The following CCSER1 variants were observed in gnomAD, a reference collection of about 807,000 sequenced individuals.
CCSER1 encodes serine-rich coiled-coil domain-containing protein 1.
Under a neutral mutation model 82.0 loss-of-function variants are expected in CCSER1, and 41 were observed. The ratio of observed to expected loss-of-function variants is 0.50; its 90% CI spans 0.39 to 0.65. The LOEUF is 0.65. CCSER1 is among the 30% of genes least tolerant of loss of function. CCSER1 has a pLI of 0.00. For missense variants in CCSER1, 1,119 were observed against 1,064.2 expected (o/e 1.05, Z -0.72); for synonymous variants, 414 against 383.9 (o/e 1.08, Z -0.92).
At chr4:91,516,045 T>G (rs140162906) in intron 10 of CCSER1, among the ~76,000 whole-genome samples, 48 of 152,250 alleles carry the variant, frequency 3.2e-4, no homozygotes, top group African/African-American at 9.6e-4. Flanking sequence ...GTCCCACTTT[T>G]TAATGGGGTT....
At chr4:91,145,371 T>C (rs917521158) in intron 10 of CCSER1, among the ~76,000 whole-genome samples, 4 of 152,186 alleles carry the variant, frequency 2.6e-5, no homozygotes, top group African/African-American at 9.6e-5. Flanking sequence ...GATGTTCTCT[T>C]GAAGGCAGAA....
chr4:91,318,650 A>C lies in CCSER1; in HGVS notation c.2217+232656A>C, dbSNP rs551449511. 3.9e-5 allele frequency among the ~76,000 whole-genome samples: 6 copies of C among 152,174 alleles called. No individual in the cohort carries two copies. In the South Asian group the frequency reaches 1.2e-3, roughly 32 times the overall value. On this transcript the variant is annotated intron_variant, in intron 10 of 10. Coordinates refer to ENST00000509176, the MANE Select transcript of CCSER1 (RefSeq NM_001145065.2). The stretch of plus-strand genomic sequence containing the variant: ...AGCTCAGTAGCTAATTTTCTTTCTT[A>C]AAATTGTAAATGCTACTTTAAAGAA...
At chr4:91,140,643 G>T (rs1728936513) in intron 10 of CCSER1, among the ~76,000 whole-genome samples, 1 of 152,006 alleles carries the variant, frequency 6.6e-6, no homozygotes, top group South Asian at 2.1e-4. Flanking sequence ...TAATTACTCA[G>T]CTGGAGTGAC....
intron 10 of CCSER1, among the ~76,000 whole-genome samples, chr4:91,390,479 G>A (rs1422871591): frequency 6.6e-6 from 1 of 151,714 alleles, no homozygotes; most frequent in Non-Finnish European, 1.5e-5. Flanking sequence ...GTTAAAGAAA[G>A]GTATCACTCT....
intron 10 of CCSER1, among the ~76,000 whole-genome samples, chr4:91,444,025 G>T (rs555363944): frequency 7.6e-4 from 116 of 152,082 alleles, no homozygotes; most frequent in African/African-American, 2.6e-3. Context: ...AGAATTGCTT[G>T]TGATACATTT....
intron 9 of CCSER1, among the ~76,000 whole-genome samples, chr4:91,013,910 C>T (rs1319217799): frequency 7.6e-6 from 1 of 131,238 alleles, no homozygotes; most frequent in Non-Finnish European, 1.8e-5. Context: ...TGTGAGCCAC[C>T]GCTCCGGGCA....
intron 10 of CCSER1, among the ~76,000 whole-genome samples, chr4:91,211,191 A>G (rs560523247): frequency 2.6e-5 from 4 of 151,994 alleles, no homozygotes; most frequent in African/African-American, 4.8e-5. Context: ...ACCAAGAGAC[A>G]AATTGAGATG....
intron 10 of CCSER1, among the ~76,000 whole-genome samples, chr4:91,091,987 C>A (rs1724005473): frequency 6.6e-6 from 1 of 152,122 alleles, no homozygotes. Flanking sequence ...CCTGGAAGTC[C>A]TCGCGGTATA....
At chr4:91,400,761 T>C (rs944516347) in intron 10 of CCSER1, among the ~76,000 whole-genome samples, 2 of 151,678 alleles carry the variant, frequency 1.3e-5, no homozygotes, top group African/African-American at 2.4e-5. Flanking sequence ...TTGTAAAATG[T>C]ATATTATGAA....
intron 10 of CCSER1, among the ~76,000 whole-genome samples, chr4:91,373,743 C>T (rs990229154): frequency 8.5e-5 from 13 of 152,104 alleles, no homozygotes; most frequent in African/African-American, 3.1e-4. Flanking sequence ...AATTATTAAG[C>T]TTAGTGAAGA....
At chr4:90,934,725 A>G (rs957363136) in intron 9 of CCSER1, among the ~76,000 whole-genome samples, 1 of 152,168 alleles carries the variant, frequency 6.6e-6, no homozygotes, top group African/African-American at 2.4e-5. Context: ...TGAGGTTGGG[A>G]GTTCGAGACC....
intron 10 of CCSER1, among the ~76,000 whole-genome samples, chr4:91,390,010 A>G (rs1751549330): frequency 6.6e-6 from 1 of 152,030 alleles, no homozygotes; most frequent in South Asian, 2.1e-4. Context: ...ATCTTCATAT[A>G]TCTGTGACAA....
chr4:91,004,827 AATTT>A (rs977233450), intron 9 of CCSER1, among the ~76,000 whole-genome samples: 3 of 152,178 alleles, frequency 2.0e-5, no homozygotes, highest in African/African-American at 4.8e-5. Flanking sequence ...ATTTCTGGGT[AATTT>A]ATTTATCTAG....
intron 10 of CCSER1, among the ~76,000 whole-genome samples, chr4:91,142,144 C>G (rs556236791): frequency 1.9e-4 from 29 of 152,072 alleles, no homozygotes; most frequent in Non-Finnish European, 3.5e-4. Flanking sequence ...GGGTGGGGGA[C>G]AGGTGGAGAT....
chr4:91,144,400 C>G (rs1186017887), intron 10 of CCSER1, among the ~76,000 whole-genome samples: 1 of 151,836 alleles, frequency 6.6e-6, no homozygotes, highest in African/African-American at 2.4e-5. Context: ...TTTATTCTTT[C>G]AAAGAACCAA....
At chr4:90,490,853 A>AGGCCTCTGTTCTGTTCCATT (rs1460897105) in intron 5 of CCSER1, among the ~76,000 whole-genome samples, 1 of 151,966 alleles carries the variant, frequency 6.6e-6, no homozygotes, top group Non-Finnish European at 1.5e-5. Flanking sequence ...ATTATTTCTG[A>AGGCCTCTGTTCTGTTCCATT]GGCCTCTGTT....
intron 10 of CCSER1, among the ~76,000 whole-genome samples, chr4:91,288,711 A>C (rs1162791423): frequency 6.6e-6 from 1 of 151,994 alleles, no homozygotes. Context: ...GGGAAAGAGC[A>C]ACAACACAGT....
At chr4:91,234,336 A>T (rs1738840581) in intron 10 of CCSER1, among the ~76,000 whole-genome samples, 1 of 151,992 alleles carries the variant, frequency 6.6e-6, no homozygotes, top group Non-Finnish European at 1.5e-5. Flanking sequence ...GATACTCATC[A>T]ATTTGCTTTT....
At chr4:90,429,567 C>A (rs1244678673) in intron 4 of CCSER1, among the ~76,000 whole-genome samples, 1 of 151,764 alleles carries the variant, frequency 6.6e-6, no homozygotes, top group African/African-American at 2.4e-5. Flanking sequence ...TTTGTGATAG[C>A]AACTGGCATT....
Sources: allele counts gnomAD v4.1 joint callset (sites outside exome capture counted in the v4.1 genomes callset), GRCh38; gene constraint gnomAD v4.1.1; transcripts MANE v1.5; gene names NCBI Gene and HGNC (gene_info 2026-07-23, HGNC 2026-07-21).